ZPBP: variants seen among roughly 807,000 people sequenced by gnomAD.
ZPBP encodes zona pellucida-binding protein 1.
In ZPBP, 26 loss-of-function variants were observed where a neutral mutation model predicts 44.8. The observed-to-expected ratio is 0.58, with a 90% CI of 0.43 to 0.81. ZPBP has a LOEUF of 0.81. Ranked by LOEUF, ZPBP falls within the 30% of genes least tolerant of loss-of-function variation. ZPBP has a pLI of 0.00. For synonymous variants in ZPBP, 174 were observed against 153.2 expected (o/e 1.14, Z -1.00); for missense variants, 409 against 434.0 (o/e 0.94, Z 0.51).
chr7:49,953,239 T>C (rs987644813), intron 7 of ZPBP, among the ~76,000 whole-genome samples: 1 of 152,084 alleles, frequency 6.6e-6, no homozygotes, highest in Non-Finnish European at 1.5e-5. Context: ...AGAGAGGAGA[T>C]AGCAACATAC....
chr7:50,080,571 T>A (rs1042841481), intron 3 of ZPBP, among the ~76,000 whole-genome samples: 1 of 151,634 alleles, frequency 6.6e-6, no homozygotes, highest in Non-Finnish European at 1.5e-5. Context: ...AAAATGACAA[T>A]AAAAAATTCA....
chr7:49,914,745 A>T (rs1793628522), intron 1 of ZPBP: 2 of 152,208 alleles, frequency 1.3e-5, no homozygotes, highest in African/African-American at 2.4e-5. Flanking sequence ...GTCAACAACA[A>T]ACTGTTCTAT....
intron 7 of ZPBP, among the ~76,000 whole-genome samples, chr7:49,973,582 GA>G (rs1796384900): frequency 6.6e-6 from 1 of 152,016 alleles, no homozygotes; most frequent in Non-Finnish European, 1.5e-5. Flanking sequence ...ATAAACACAT[GA>G]AAAGATGCTC....
chr7:49,997,622 C>T (rs757617525), intron 6 of ZPBP, among the ~76,000 whole-genome samples: 4 of 152,094 alleles, frequency 2.6e-5, no homozygotes, highest in African/African-American at 9.7e-5. Context: ...GCAACTGCTT[C>T]GGGGGAAGCC....
chr7:49,863,435 T>C (rs1254800128), intron 2 of ZPBP, among the ~76,000 whole-genome samples: 1 of 152,162 alleles, frequency 6.6e-6, no homozygotes, highest in African/African-American at 2.4e-5. Flanking sequence ...CCTTTTTTTC[T>C]TTTCTTTTCT....
intron 3 of ZPBP, among the ~76,000 whole-genome samples, chr7:50,071,027 A>G (rs761567702): frequency 5.3e-5 from 8 of 152,180 alleles, no homozygotes; most frequent in Non-Finnish European, 1.2e-4. Flanking sequence ...CTTACACACA[A>G]CTAAGTTTCT....
chr7:49,929,924 A>C (rs1489646808), intron 1 of ZPBP, among the ~76,000 whole-genome samples: 9 of 152,238 alleles, frequency 5.9e-5, no homozygotes, highest in African/African-American at 2.2e-4. Flanking sequence ...ACACTCATTC[A>C]AAGTCCTTGT....
intron 6 of ZPBP, among the ~76,000 whole-genome samples, chr7:49,991,965 G>T (rs539758877): frequency 6.6e-6 from 1 of 151,662 alleles, no homozygotes; most frequent in Non-Finnish European, 1.5e-5. Flanking sequence ...GGAAGGGAGA[G>T]AAAGAAGGAA....
At chr7:49,932,496 C>T (rs1256838890), downstream of ZPBP, among the ~76,000 whole-genome samples, 1 of 152,178 alleles carries the variant, frequency 6.6e-6, no homozygotes, top group African/African-American at 2.4e-5. Flanking sequence ...TTCGTTTTGG[C>T]CAATTTCTCC....
intron 7 of ZPBP, among the ~76,000 whole-genome samples, chr7:49,966,024 A>G (rs958366643): frequency 2.0e-5 from 3 of 152,016 alleles, no homozygotes; most frequent in Admixed American, 6.6e-5. Flanking sequence ...TACAAAAAAT[A>G]AAGGACATTT....
chr7:49,972,531 G>A (rs2128770994), intron 7 of ZPBP, among the ~76,000 whole-genome samples: 1 of 152,012 alleles, frequency 6.6e-6, no homozygotes, highest in South Asian at 2.1e-4. Context: ...TATGCAAGGA[G>A]GCAAAAGGCT....
intron 7 of ZPBP, among the ~76,000 whole-genome samples, chr7:49,971,085 C>A (rs1447056507): frequency 6.6e-6 from 1 of 151,834 alleles, no homozygotes; most frequent in East Asian, 1.9e-4. Context: ...CAGATAATAC[C>A]TTGAGACAAG....
chr7:50,082,298 G>A (rs2128852576), intron 2 of ZPBP, among the ~76,000 whole-genome samples: 1 of 151,920 alleles, frequency 6.6e-6, no homozygotes, highest in African/African-American at 2.4e-5. Context: ...AAATTGTTTA[G>A]ATTAGCAGAA....
At chr7:49,972,769 AAC>A (rs1410574211) in intron 7 of ZPBP, among the ~76,000 whole-genome samples, 1 of 152,090 alleles carries the variant, frequency 6.6e-6, no homozygotes, top group Non-Finnish European at 1.5e-5. Context: ...CCACAAATAG[AAC>A]AATCTTAGAA....
chr7:49,898,602 T>TAC (rs950143512), intron 2 of ZPBP, among the ~76,000 whole-genome samples: 4 of 151,938 alleles, frequency 2.6e-5, no homozygotes, highest in Non-Finnish European at 4.4e-5. Flanking sequence ...ATCATAAGCA[T>TAC]ACACACACAC....
At chr7:50,014,156 G>C (rs1798706592) in intron 6 of ZPBP, among the ~76,000 whole-genome samples, 2 of 151,954 alleles carry the variant, frequency 1.3e-5, no homozygotes, top group Admixed American at 1.3e-4. Flanking sequence ...TGTACTGGAA[G>C]ATTGAATACT....
intron 6 of ZPBP, among the ~76,000 whole-genome samples, chr7:50,008,109 A>G (rs1430221075): frequency 6.6e-6 from 1 of 152,260 alleles, no homozygotes; most frequent in African/African-American, 2.4e-5. Flanking sequence ...ATGATCTTAC[A>G]TACAGAAAAC....
At chr7:49,965,071 G>A (rs1213017895) in intron 7 of ZPBP, among the ~76,000 whole-genome samples, 1 of 152,048 alleles carries the variant, frequency 6.6e-6, no homozygotes, top group East Asian at 1.9e-4. Flanking sequence ...CCCAGTAAGT[G>A]GAATATAATT....
At chr7:49,980,076 A>AATTT (rs1562817402) in intron 7 of ZPBP, among the ~76,000 whole-genome samples, 4 of 12,058 alleles carry the variant, frequency 3.3e-4, no homozygotes, top group Non-Finnish European at 4.8e-4. Context: ...ATTATAATAT[A>AATTT]TATAATATAA....
Sources: allele counts gnomAD v4.1 joint callset (sites outside exome capture counted in the v4.1 genomes callset), GRCh38; gene constraint gnomAD v4.1.1; transcripts MANE v1.5; gene names NCBI Gene and HGNC (gene_info 2026-07-23, HGNC 2026-07-21).